Variants in SRGAP3 observed in about 807,000 individuals in gnomAD.
SRGAP3 encodes SLIT-ROBO Rho GTPase activating protein 3.
A neutral mutation model predicts 121.1 loss-of-function variants in SRGAP3; 39 were observed. That is an observed-to-expected ratio of 0.32 (90% CI 0.25 to 0.42). The LOEUF (loss-of-function observed/expected upper bound fraction) is 0.42, where lower values mean the gene tolerates loss of function less well. Ranked by LOEUF, SRGAP3 falls within the 10% of genes least tolerant of loss-of-function variation. SRGAP3 has a pLI of 1.00. For missense variants in SRGAP3, 1,213 were observed against 1,470.6 expected, an observed-to-expected ratio of 0.82 and a Z score of 2.86; for synonymous variants, 601 against 570.0, an observed-to-expected ratio of 1.05 and a Z score of -0.77.
At chr3:9,021,305 C>T (rs1943908523) in intron 14 of SRGAP3, among the ~76,000 whole-genome samples, 1 of 152,240 alleles carries the variant, frequency 6.6e-6, no homozygotes, top group Non-Finnish European at 1.5e-5. Context: ...GAGACCTCAG[C>T]ACTCCCATCT....
intron 3 of SRGAP3, among the ~76,000 whole-genome samples, chr3:9,286,113 AACACACACACACACACACACAC>A (rs34023408): frequency 3.7e-5 from 5 of 134,988 alleles, no homozygotes; most frequent in South Asian, 5.1e-4. Context: ...CCCTATCTCA[AACACACACACACACACACACAC>A]ACACACACAC....
chr3:9,356,294 C>T (rs1334319829), intron 1 of SRGAP3, among the ~76,000 whole-genome samples: 1 of 146,460 alleles, frequency 6.8e-6, no homozygotes, highest in African/African-American at 2.5e-5. Context: ...CAGGCTCAAG[C>T]AATCCTCCCA....
At chr3:9,069,110 G>A (rs1946559366) in intron 4 of SRGAP3, among the ~76,000 whole-genome samples, 1 of 152,176 alleles carries the variant, frequency 6.6e-6, no homozygotes. Context: ...CAGAGCCTGG[G>A]CCTACTGAAC....
chr3:9,327,841 T>C (rs1955544555), intron 2 of SRGAP3, among the ~76,000 whole-genome samples: 1 of 152,318 alleles, frequency 6.6e-6, no homozygotes, highest in East Asian at 1.9e-4. Context: ...TTAGACTTTC[T>C]GACTTGCCCT....
At chr3:8,988,126 T>C (rs557228902) in intron 21 of SRGAP3, among the ~76,000 whole-genome samples, 97 of 152,152 alleles carry the variant, frequency 6.4e-4, no homozygotes, top group African/African-American at 2.2e-3. Context: ...GAGGTGGCGC[T>C]GTGAGTCTCC....
chr3:9,013,928 AC>A, intron 15 of SRGAP3, 86 bp from the exon 16 acceptor site: 1 of 1,248,770 alleles, frequency 8.0e-7, no homozygotes, highest in Non-Finnish European at 1.2e-6. Context: ...TCCTATATCA[AC>A]CCACGTGGAT....
intron 5 of SRGAP3, among the ~76,000 whole-genome samples, chr3:9,062,090 C>A (rs1349289686): frequency 6.7e-6 from 1 of 149,132 alleles, no homozygotes; most frequent in Non-Finnish European, 1.5e-5. Flanking sequence ...CCTGACCCCC[C>A]ACAGAGAGTT....
Position 9,356,210 on chromosome 3 carries a change from T to TTTTTG in SRGAP3, n.214+6629_214+6630insCAAAA, listed in dbSNP as rs1559291019. Among the ~76,000 whole-genome samples, 31 of 139,968 alleles carry TTTTTG rather than the reference T, an allele frequency of 2.2e-4. 1 individual carries two copies. Among genetic ancestry groups the TTTTTG allele is most frequent in the African/African-American group, 8.3e-4 (29 of 34,764 alleles). The allele number at this position is 139,968 out of a possible 152,430, so 91.8% of individuals were successfully genotyped here. A position where few individuals can be genotyped will look rare whatever the true frequency, so the allele number is the denominator to read the frequency against. On this transcript the variant is annotated intron_variant and non_coding_transcript_variant, in intron 1 of 3. Coordinates refer to the SRGAP3 transcript ENST00000490889. ...TTTTTTTCTTTTTTTTTTTTTTTTT[T>TTTTTG]TGAGACAGGATCTCACTGTCACCCA... is the stretch of plus-strand genomic sequence containing the variant.
intron 3 of SRGAP3, among the ~76,000 whole-genome samples, chr3:9,087,188 G>C (rs924715370): frequency 6.6e-6 from 1 of 152,004 alleles, no homozygotes; most frequent in Non-Finnish European, 1.5e-5. Flanking sequence ...CTAAGACTTA[G>C]TTTCCTTATC....
upstream of SRGAP3, among the ~76,000 whole-genome samples, chr3:9,251,184 G>A (rs1047743980): frequency 3.9e-5 from 6 of 152,206 alleles, no homozygotes; most frequent in African/African-American, 1.4e-4. Flanking sequence ...CACACAGCAT[G>A]AGCTGGGGCC....
intron 19 of SRGAP3, 86 bp from the exon 20 acceptor site, chr3:8,993,141 C>T: frequency 6.3e-7 from 1 of 1,592,020 alleles, no homozygotes. Context: ...GTCTGAGGGG[C>T]TGAATTAACA....
intron 4 of SRGAP3, among the ~76,000 whole-genome samples, chr3:9,072,469 G>A (rs962516741): frequency 6.6e-6 from 1 of 152,202 alleles, no homozygotes; most frequent in African/African-American, 2.4e-5. Flanking sequence ...AGAAGGGAAG[G>A]TTACCTAGAG....
At chr3:9,301,967 T>C (rs1298307393) in intron 3 of SRGAP3, among the ~76,000 whole-genome samples, 1 of 152,218 alleles carries the variant, frequency 6.6e-6, no homozygotes, top group Non-Finnish European at 1.5e-5. Context: ...AGGAGTATGA[T>C]GAATCATCCT....
intron 2 of SRGAP3, among the ~76,000 whole-genome samples, chr3:9,110,006 TCAG>T: frequency 6.6e-6 from 1 of 152,140 alleles, no homozygotes; most frequent in South Asian, 2.1e-4. Flanking sequence ...CGTCCTGAGG[TCAG>T]CAGGCAGACC....
chr3:9,299,666 T>C (rs2125273952), intron 3 of SRGAP3, among the ~76,000 whole-genome samples: 1 of 152,244 alleles, frequency 6.6e-6, no homozygotes, highest in South Asian at 2.1e-4. Context: ...TCCCAGCACT[T>C]TGGGAGGCTG....
intron 1 of SRGAP3, among the ~76,000 whole-genome samples, chr3:9,129,279 T>C (rs1183235919): frequency 7.2e-6 from 1 of 139,210 alleles, no homozygotes; most frequent in Non-Finnish European, 1.5e-5. Flanking sequence ...TTATACATAA[T>C]GTTACTCTAA....
intron 3 of SRGAP3, among the ~76,000 whole-genome samples, chr3:9,081,811 T>G (rs940637657): frequency 1.3e-5 from 2 of 152,244 alleles, no homozygotes; most frequent in Non-Finnish European, 2.9e-5. Context: ...TTTATGATTG[T>G]GATTATGATT....
intron 1 of SRGAP3, among the ~76,000 whole-genome samples, chr3:9,248,203 C>T (rs1427176116): frequency 1.3e-5 from 2 of 152,218 alleles, no homozygotes; most frequent in Admixed American, 6.5e-5. Flanking sequence ...AGCTGATGAA[C>T]CTAAACGCCA....
chr3:9,241,296 G>T lies in SRGAP3; in HGVS notation c.67+7589C>A, dbSNP rs888593606. On this transcript the variant is annotated intron_variant, in intron 1 of 21. Coordinates refer to ENST00000383836, the MANE Select transcript of SRGAP3 (RefSeq NM_014850.4). ...ATAAAGCTATACAGCCTGAAGCATG[G>T]CTTACAAAGTCACTGAATGAATGAA... Among the ~76,000 whole-genome samples, 3 of 152,118 alleles carry T rather than the reference G, an allele frequency of 2.0e-5. No homozygotes were observed. The South Asian group carries it at 6.2e-4, about 31-fold the overall frequency.
Sources: gnomAD v4.1 joint callset for allele counts (sites outside exome capture counted in the v4.1 genomes callset) on GRCh38, gnomAD v4.1.1 for gene constraint, MANE v1.5 for transcripts, NCBI Gene and HGNC (gene_info 2026-07-23, HGNC 2026-07-21) for gene names.